DGKG: variants seen among roughly 807,000 people sequenced by gnomAD.
The protein encoded by DGKG is diacylglycerol kinase gamma, also known as DAG kinase gamma.
In DGKG, 78 loss-of-function variants were observed where a neutral mutation model predicts 105.3. That is an observed-to-expected ratio of 0.74 (90% CI 0.62 to 0.89). The LOEUF is 0.89. Among genes scored for constraint, DGKG ranks in the 40% least tolerant of loss-of-function variants. The pLI is 0.00. For synonymous variants in DGKG, 346 were observed against 367.1 expected, an observed-to-expected ratio of 0.94 and a Z score of 0.66; for missense variants, 958 against 1,020.1, an observed-to-expected ratio of 0.94 and a Z score of 0.83.
intron 10 of DGKG, among the ~76,000 whole-genome samples, chr3:186,273,533 C>T (rs1339774276): frequency 1.3e-5 from 2 of 151,968 alleles, no homozygotes; most frequent in Non-Finnish European, 2.9e-5. Context: ...CGCCACCATG[C>T]CCAGCTAATT....
intron 20 of DGKG, among the ~76,000 whole-genome samples, chr3:186,238,645 C>T (rs986382463): frequency 2.0e-4 from 31 of 152,146 alleles, no homozygotes; most frequent in African/African-American, 4.3e-4. Context: ...CCCTAACATT[C>T]CTCAATTAGC....
rs867688283 is a variant in DGKG, at chr3:186,246,733, G to T, written c.1762-4165C>A. On this transcript the variant is annotated intron_variant, in intron 19 of 24. Transcript: ENST00000265022. ...GAATCTGCAGGAAAAATTATGTCTTGTTGAGAAATTCCCTATGTGTAGGAC... is the reference window on the plus strand; with the variant it reads ...GAATCTGCAGGAAAAATTATGTCTTTTTGAGAAATTCCCTATGTGTAGGAC... Among the ~76,000 whole-genome samples the T allele has an allele frequency of 4.1e-4, 63 of 152,178 alleles. 1 individual carries two copies. The highest frequency in any genetic ancestry group is 5.8e-4 in the African/African-American group (24 of 41,432).
chr3:186,255,058 C>G (rs1191647915), intron 17 of DGKG, among the ~76,000 whole-genome samples: 2 of 152,250 alleles, frequency 1.3e-5, no homozygotes, highest in Non-Finnish European at 2.9e-5. Context: ...GTTGCCCCAG[C>G]CTGGACCTGG....
At position 186,147,685 on chromosome 3, in the gene DGKG, T is replaced by A; in HGVS notation, c.*2405A>T. 1.0e-6 allele frequency: 1 copy of A among 985,326 alleles called. No homozygotes were observed. Among genetic ancestry groups the A allele is most frequent in the Non-Finnish European group, 1.2e-6 (1 of 829,912 alleles). The allele number at this position is 985,326 out of a possible 1,614,324, so 61.0% of individuals were successfully genotyped here. On this transcript the variant is annotated 3_prime_UTR_variant, in exon 25 of 25. Transcript: ENST00000265022. ...ACTGCCCCTTCATGAGACCTGTGAG[T>A]CTCTGAGAATCAATTTCACCTGTTG...
chr3:186,150,346 C>T (rs1187002900), intron 24 of DGKG, among the ~76,000 whole-genome samples, 158 bp from the exon 25 acceptor site: 3 of 152,108 alleles, frequency 2.0e-5, no homozygotes, highest in Admixed American at 2.0e-4. Flanking sequence ...GCAACTTGAC[C>T]CTGACTGGGC....
At chr3:186,157,700 G>A (rs1477897501) in intron 24 of DGKG, among the ~76,000 whole-genome samples, 1 of 152,056 alleles carries the variant, frequency 6.6e-6, no homozygotes, top group Non-Finnish European at 1.5e-5. Flanking sequence ...TGTATATTTT[G>A]TTTTACAATT....
At chr3:186,277,396 C>T (rs779570638) in intron 9 of DGKG, among the ~76,000 whole-genome samples, 3 of 152,292 alleles carry the variant, frequency 2.0e-5, no homozygotes, top group Admixed American at 1.3e-4. Flanking sequence ...GGTAACTAGC[C>T]CAAGCCCACA....
chr3:186,355,203 C>CCAA (rs1307891382), intron 1 of DGKG, among the ~76,000 whole-genome samples: 4 of 120,516 alleles, frequency 3.3e-5, no homozygotes, highest in South Asian at 3.0e-4. Flanking sequence ...AATACCACCA[C>CCAA]CAACACCACT....
chr3:186,295,638 T>A (rs1449235380), intron 5 of DGKG, among the ~76,000 whole-genome samples: 36 of 84,460 alleles, frequency 4.3e-4, no homozygotes, highest in African/African-American at 8.5e-4. Flanking sequence ...TAATGCACAG[T>A]AAAAAAAAAA....
intron 19 of DGKG, among the ~76,000 whole-genome samples, chr3:186,245,045 A>G (rs1472158719): frequency 6.6e-6 from 1 of 152,170 alleles, no homozygotes; most frequent in Non-Finnish European, 1.5e-5. Flanking sequence ...GGAAGAAAAA[A>G]GCAATCACAT....
At position 186,177,084 on chromosome 3, in the gene DGKG, C is replaced by G. The variant is rs576631159; in HGVS notation, c.2095+11118G>C. Among the ~76,000 whole-genome samples, 4 of 152,306 alleles carry G rather than the reference C, an allele frequency of 2.6e-5. No individual in the cohort carries two copies. The East Asian group carries it at 5.8e-4, about 22-fold the overall frequency. ...TCTTCCCCTTTGGGTTGTTGACTCT[C>G]AATTTGAGGCCTTGGAGCCATAAGC... is the stretch of plus-strand genomic sequence containing the variant. On this transcript the variant is annotated intron_variant, in intron 22 of 24. Transcript: ENST00000265022.
intron 20 of DGKG, among the ~76,000 whole-genome samples, chr3:186,219,828 G>C (rs1276390898): frequency 6.6e-6 from 1 of 152,176 alleles, no homozygotes; most frequent in African/African-American, 2.4e-5. Flanking sequence ...AATAACCTCT[G>C]AAGACACTTC....
In DGKG at chr3:186,284,148, G is replaced by A. The variant is rs1722952014; in HGVS notation, c.594+512C>T. 6.6e-6 allele frequency among the ~76,000 whole-genome samples: 1 copy of A among 152,172 alleles called. No homozygotes were observed. The highest frequency in any genetic ancestry group is 2.1e-4 in the South Asian group (1 of 4,826). ...GACAGAACCAGACTCCTAGGCTAGT[G>A]CCCTGGAGTAGGAGAGGCAGCCAAG... On this transcript the variant is annotated intron_variant, in intron 7 of 24. Transcript: ENST00000265022. This position sits in a 1 kb window ranked among gnomAD's most constrained non-coding sequence, Gnocchi z 4.0.
intron 21 of DGKG, among the ~76,000 whole-genome samples, chr3:186,209,604 CT>C (rs1718927593): frequency 3.9e-5 from 6 of 152,080 alleles, no homozygotes; most frequent in Admixed American, 3.9e-4. Context: ...TGTGCTGGTT[CT>C]CAAAGGCCTG....
Position 186,361,485 on chromosome 3 carries a change from C to G in DGKG, c.-249+461G>C, listed in dbSNP as rs73885862. Among the ~76,000 whole-genome samples, 2,088 of 152,260 alleles carry G rather than the reference C, an allele frequency of 0.014. 50 individuals carry two copies. Among genetic ancestry groups the G allele is most frequent in the African/African-American group, 0.047 (1,968 of 41,554 alleles). The stretch of plus-strand genomic sequence containing the variant: ...CCCTGCGCAGGGGCTTTGTGGAGTG[C>G]CCCCAAAGTCCTAGAACCCCGCGGG... On this transcript the variant is annotated intron_variant, in intron 1 of 24. Coordinates refer to ENST00000265022, the MANE Select transcript of DGKG (RefSeq NM_001346.3). This position sits in a 1 kb window ranked among gnomAD's most constrained non-coding sequence, Gnocchi z 6.8.
chr3:186,158,621 T>C (rs751688796), intron 24 of DGKG: 33 of 922,096 alleles, frequency 3.6e-5, no homozygotes, highest in Non-Finnish European at 3.9e-5. Context: ...TGAACAAATA[T>C]GATATTTAAT....
chr3:186,197,442 T>C, intron 21 of DGKG, among the ~76,000 whole-genome samples: 1 of 152,034 alleles, frequency 6.6e-6, no homozygotes, highest in East Asian at 1.9e-4. Context: ...TGCCTCTTTT[T>C]TGAGGGAACA....
intron 2 of DGKG, among the ~76,000 whole-genome samples, chr3:186,318,368 T>C (rs1724914847): frequency 6.6e-6 from 1 of 152,186 alleles, no homozygotes; most frequent in South Asian, 2.1e-4. Context: ...TTCCCAAACA[T>C]TCCTTTTGCT....
At chr3:186,346,756 G>T (rs761555986) in intron 1 of DGKG, among the ~76,000 whole-genome samples, 3 of 151,864 alleles carry the variant, frequency 2.0e-5, no homozygotes, top group Non-Finnish European at 4.4e-5. Context: ...TTTACGATGG[G>T]ATCAAAATAT....
Sources: gnomAD v4.1 joint callset for allele counts (sites outside exome capture counted in the v4.1 genomes callset) on GRCh38, gnomAD v4.1.1 for gene constraint, Gnocchi (gnomAD v3.1) non-coding constraint, MANE v1.5 for transcripts, NCBI Gene and HGNC (gene_info 2026-07-23, HGNC 2026-07-21) for gene names.